The following SH3BP1 variants were observed in gnomAD, a reference collection of about 807,000 sequenced individuals.
The protein encoded by SH3BP1 is SH3 domain binding protein 1.
A neutral mutation model predicts 69.8 loss-of-function variants in SH3BP1; 46 were observed. The ratio of observed to expected loss-of-function variants is 0.66; its 90% CI spans 0.52 to 0.84. The LOEUF is 0.84. Ranked by LOEUF, SH3BP1 falls within the 40% of genes least tolerant of loss-of-function variation. SH3BP1 has a pLI of 0.00. For missense variants in SH3BP1, 868 were observed against 930.9 expected, an observed-to-expected ratio of 0.93 and a Z score of 0.88; for synonymous variants, 403 against 378.0, an observed-to-expected ratio of 1.07 and a Z score of -0.77.
intron 16 of SH3BP1, 132 bp downstream of exon 16, chr22:37,650,857 C>T (rs1943014092): frequency 4.8e-6 from 6 of 1,245,498 alleles, no homozygotes; most frequent in Non-Finnish European, 5.5e-6. Flanking sequence ...AAGACCGGAT[C>T]TCCTAGTTTG....
At chr22:37,639,905 A>C in intron 1 of SH3BP1, 59 bp downstream of exon 1, 6 of 1,295,612 alleles carry the variant, frequency 4.6e-6, no homozygotes, top group Non-Finnish European at 6.4e-6. Flanking sequence ...GGGGTCGTAA[A>C]AGGGTCGGGG....
In SH3BP1 at chr22:37,644,252, G is replaced by A. The variant is rs555544666; in HGVS notation, c.619-385G>A. On this transcript the variant is annotated intron_variant, in intron 7 of 17. Transcript: ENST00000649765. ...AACTTAGCTGGGCGTAGTGGCGGGC[G>A]CCTGTAATCCCAGCTACTCAGGAGG... is the stretch of plus-strand genomic sequence containing the variant. 2.2e-3 allele frequency among the ~76,000 whole-genome samples: 332 copies of A among 152,178 alleles called. 1 individual carries two copies. Among genetic ancestry groups the A allele is most frequent in the African/African-American group, 7.8e-3 (325 of 41,560 alleles).
chr22:37,650,514 G>C (rs1050464302), intron 15 of SH3BP1, 28 bp from the exon 16 acceptor site: 6 of 1,588,870 alleles, frequency 3.8e-6, no homozygotes, highest in African/African-American at 2.7e-5. Context: ...CGGTCTCTGA[G>C]AGCCGTCTCC....
chr22:37,645,644 C>A, intron 10 of SH3BP1, 134 bp downstream of exon 10: 1 of 1,004,322 alleles, frequency 1.0e-6, no homozygotes, highest in Non-Finnish European at 1.4e-6. Context: ...GACATGACTG[C>A]CTCCTGCGGC....
At position 37,648,445 on chromosome 22, in the gene SH3BP1, C is replaced by A. The variant is rs746091953; in HGVS notation, c.1316+10C>A. On this transcript the variant is annotated intron_variant, in intron 14 of 17. Transcript: ENST00000649765. ...CACCTGAGAAAGAAGGGTGAGGGGC[C>A]GCGGGCTGGGGGAGGTGGCAGGAGG... The A allele has an allele frequency of 4.4e-5, 67 of 1,535,386 alleles. No individual in the cohort carries two copies. The highest frequency in any genetic ancestry group is 5.4e-5 in the Non-Finnish European group (61 of 1,127,738).
chr22:37,655,321 C>T lies in SH3BP1; in HGVS notation c.1743C>T (p.Ser581=), dbSNP rs61678571. The change falls in exon 18 of 18, where the codon TCC becomes TCT. Residue 581 remains serine, a synonymous_variant. Transcript: ENST00000649765. ...ARPTMPPPQV[S]GSRSSPPAPP... ...CCACCATGCCGCCCCCCCAGGTCTC[C>T]GGCTCCCGCTCCTCCCCTCCAGCCC... 4,591 of 1,543,022 alleles carry T rather than the reference C, an allele frequency of 3.0e-3. 136 individuals are homozygous for T. The African/African-American group carries it at 0.056, about 19-fold the overall frequency.
At chr22:37,653,582 G>A (rs1190378699) in intron 16 of SH3BP1, among the ~76,000 whole-genome samples, 197 bp from the exon 17 acceptor site, 1 of 152,186 alleles carries the variant, frequency 6.6e-6, no homozygotes, top group Non-Finnish European at 1.5e-5. Context: ...TCACAAAGCA[G>A]CCAGGGGCTC....
chr22:37,654,442 G>A (rs189160570), intron 17 of SH3BP1, among the ~76,000 whole-genome samples: 13 of 152,126 alleles, frequency 8.5e-5, no homozygotes, highest in Non-Finnish European at 1.9e-4. Context: ...ATGGTTGCGG[G>A]TGCCTATCAT....
In SH3BP1 at chr22:37,647,485, G is replaced by A; in HGVS notation, c.1163G>A (p.Cys388Tyr). Residue 388 changes from cysteine to tyrosine, a missense_variant, in exon 13 of 18, where the codon TGC (cysteine) becomes TAC (tyrosine). Transcript: ENST00000649765. ...CGGCTGCAGGCCCTCCAAGAGGTGT[G>A]CAGCCGCCTACCCCCCGAGAACCTC... ...GARLQALQEV[C>Y]SRLPPENLSN... is the part of the protein sequence containing the mutation. 1 of 1,608,128 alleles carries A rather than the reference G, an allele frequency of 6.2e-7. No individual in the cohort carries two copies. Among genetic ancestry groups the A allele is most frequent in the Non-Finnish European group, 8.5e-7 (1 of 1,179,586 alleles).
rs182942003 is a variant in SH3BP1 at position 37,651,696 on chromosome 22, C to T, written c.1598+971C>T. ...GGTACCGTGGTGCCTCCATACCAAG[C>T]AGCTACTATTCAGGATACCACAGAG... On this transcript the variant is annotated intron_variant, in intron 16 of 17. Transcript: ENST00000649765. Among the ~76,000 whole-genome samples, 31 of 152,232 alleles carry T rather than the reference C, an allele frequency of 2.0e-4. No individual in the cohort carries two copies. The East Asian group carries it at 6.0e-3, about 29-fold the overall frequency.
chr22:37,647,690 T>A (rs1319476714), intron 13 of SH3BP1, among the ~76,000 whole-genome samples, 169 bp downstream of exon 13: 1 of 152,000 alleles, frequency 6.6e-6, no homozygotes. Context: ...TTTTTTTTTT[T>A]TCTGAGACAG....
chr22:37,645,605 C>T (rs2146054168), intron 10 of SH3BP1, 95 bp downstream of exon 10: 1 of 1,410,662 alleles, frequency 7.1e-7, no homozygotes, highest in Admixed American at 2.2e-5. Flanking sequence ...CCTGTAATTC[C>T]CTCATTCGAG....
At chr22:37,654,368 C>G (rs1186464460) in intron 17 of SH3BP1, among the ~76,000 whole-genome samples, 1 of 152,056 alleles carries the variant, frequency 6.6e-6, no homozygotes, top group Non-Finnish European at 1.5e-5. Context: ...GCCAGGAGTT[C>G]AAGACCAGCC....
In SH3BP1 at chr22:37,646,857, C is replaced by T. The variant is rs774033404; in HGVS notation, c.964C>T (p.Arg322Cys). 10 of 1,562,766 alleles carry T rather than the reference C, an allele frequency of 6.4e-6. No homozygotes were observed. In the South Asian group the frequency reaches 7.0e-5, roughly 11 times the overall value. The change falls in exon 11 of 18, where the codon CGT becomes TGT. Residue 322 changes from arginine to cysteine, a missense_variant. Coordinates refer to ENST00000649765, the MANE Select transcript of SH3BP1 (RefSeq NM_018957.6). ...GGCTGCTGGGGCCTCGGTGCTGAAG[C>T]GTCTCAAGCAGACAATGGCCTCGGA... ...RLAAGASVLKRLKQTMASDPH... is the reference protein window; with the variant it reads ...RLAAGASVLKCLKQTMASDPH...
intron 13 of SH3BP1, 31 bp downstream of exon 13, chr22:37,647,552 G>T (rs755683042): frequency 1.9e-6 from 3 of 1,560,480 alleles, no homozygotes; most frequent in Non-Finnish European, 2.6e-6. Context: ...CCAGCCTGCC[G>T]CAGAGCCAGA....
chr22:37,650,340 A>C, intron 15 of SH3BP1, 91 bp downstream of exon 15: 3 of 1,514,464 alleles, frequency 2.0e-6, no homozygotes, highest in Non-Finnish European at 2.7e-6. Context: ...CCATAAGTCC[A>C]GGAGGAAGTC....
intron 1 of SH3BP1, chr22:37,640,237 G>C (rs1044607931): frequency 2.9e-5 from 5 of 173,906 alleles, no homozygotes; most frequent in Admixed American, 6.3e-5. Context: ...GAGGGAGGAG[G>C]GTCGATTAGG....
In SH3BP1 at chr22:37,645,342, G is replaced by A. The variant is rs527924234; in HGVS notation, c.779-23G>A. 37 of 1,589,708 alleles carry A rather than the reference G, an allele frequency of 2.3e-5. No individual in the cohort carries two copies. The Middle Eastern group carries it at 5.0e-4, about 22-fold the overall frequency. On this transcript the variant is annotated intron_variant, in intron 9 of 17. Coordinates refer to ENST00000649765, the MANE Select transcript of SH3BP1 (RefSeq NM_018957.6). Reference sequence around the variant, plus strand: ...GCTCGGGGTGGGAAGGCCCTGGGCCGCTGATCTGTTTCATCCCTGCAGACC... The same window carrying A: ...GCTCGGGGTGGGAAGGCCCTGGGCCACTGATCTGTTTCATCCCTGCAGACC...
At chr22:37,641,705 G>A in intron 3 of SH3BP1, 2 of 525,832 alleles carry the variant, frequency 3.8e-6, no homozygotes, top group Non-Finnish European at 6.7e-6. Context: ...CCAAGGCCAG[G>A]CTTCTGACAG....
Sources: allele counts gnomAD v4.1 joint callset (sites outside exome capture counted in the v4.1 genomes callset), GRCh38; gene constraint gnomAD v4.1.1; transcripts MANE v1.5; gene names NCBI Gene and HGNC (gene_info 2026-07-23, HGNC 2026-07-21).